Variants in ANKRD12 observed in about 807,000 individuals in gnomAD.
ANKRD12 encodes ankyrin repeat domain 12.
In ANKRD12, 85 loss-of-function variants were observed where a neutral mutation model predicts 183.4. The ratio of observed to expected loss-of-function variants is 0.46; its 90% confidence interval spans 0.39 to 0.56. The LOEUF (loss-of-function observed/expected upper bound fraction) is 0.56, where lower values mean the gene tolerates loss of function less well. Ranked by LOEUF, ANKRD12 falls within the 20% of genes least tolerant of loss-of-function variation. The pLI is 0.00. For missense variants in ANKRD12, 2,405 were observed against 2,357.1 expected (o/e 1.02, Z -0.42); for synonymous variants, 914 against 800.2 (o/e 1.14, Z -2.40).
intron 1 of ANKRD12, among the ~76,000 whole-genome samples, chr18:9,170,177 GA>G (rs2032549819): frequency 6.6e-6 from 1 of 152,136 alleles, no homozygotes; most frequent in Non-Finnish European, 1.5e-5. Flanking sequence ...TGGTGATTCT[GA>G]CAATTATGTG....
chr18:9,193,459 C>A (rs748264482), intron 2 of ANKRD12, among the ~76,000 whole-genome samples: 1 of 152,022 alleles, frequency 6.6e-6, no homozygotes, highest in Non-Finnish European at 1.5e-5. Flanking sequence ...AGCATTCTTT[C>A]ATAACTTTTT....
chr18:9,233,023 G>A (rs1177309920), intron 8 of ANKRD12, among the ~76,000 whole-genome samples: 1 of 151,698 alleles, frequency 6.6e-6, no homozygotes, highest in Non-Finnish European at 1.5e-5. Context: ...ATAATTTCTT[G>A]CATTTTTTAA....
intron 2 of ANKRD12, among the ~76,000 whole-genome samples, chr18:9,185,601 G>A (rs1367541705): frequency 6.6e-6 from 1 of 152,182 alleles, no homozygotes; most frequent in East Asian, 1.9e-4. Flanking sequence ...CTCAAAACAA[G>A]TCTGGATTGG....
At chr18:9,219,692 C>CTCTGA (rs1361075581) in intron 7 of ANKRD12, among the ~76,000 whole-genome samples, 4 of 151,228 alleles carry the variant, frequency 2.6e-5, no homozygotes, top group Non-Finnish European at 2.9e-5. Flanking sequence ...ATTTGCCCAC[C>CTCTGA]TCTGATTTAA....
At chr18:9,252,877 A>G (rs1403258546) in intron 8 of ANKRD12, among the ~76,000 whole-genome samples, 1 of 152,220 alleles carries the variant, frequency 6.6e-6, no homozygotes, top group African/African-American at 2.4e-5. Context: ...AGTGTTTTTT[A>G]GTCAGTTTTG....
rs2040204933 is a variant in ANKRD12, at chr18:9,285,796, C to G, written c.*4670C>G. The G allele has an allele frequency of 6.6e-6, 1 of 152,170 alleles. No individual in the cohort carries two copies. The highest frequency in any genetic ancestry group is 2.4e-5 in the African/African-American group (1 of 41,462). 9.4% of individuals were successfully genotyped at this position (152,170 alleles called of 1,614,324 possible). On this transcript the variant is annotated 3_prime_UTR_variant, in exon 13 of 13. Transcript: ENST00000262126. ...CTTCATAGAAATAGAGTCATACATACTTCCTTGTCTGCCTTGTTTCTCAAC... is the reference window on the plus strand; with the variant it reads ...CTTCATAGAAATAGAGTCATACATAGTTCCTTGTCTGCCTTGTTTCTCAAC...
Position 9,209,835 on chromosome 18 carries a change from G to A in ANKRD12, c.451+1032G>A, listed in dbSNP as rs79681620. On this transcript the variant is annotated intron_variant, in intron 5 of 12. Transcript: ENST00000262126. ...ATTAAAACTGATTTTTTAAAATAGC[G>A]TGAACCTTTGTCCTTAAAGTAAATT... 7.2e-5 allele frequency among the ~76,000 whole-genome samples: 11 copies of A among 152,192 alleles called. No homozygotes were observed. The South Asian group carries it at 1.9e-3, about 26-fold the overall frequency.
intron 1 of ANKRD12, among the ~76,000 whole-genome samples, chr18:9,141,680 C>T (rs2078321010): frequency 6.6e-6 from 1 of 152,120 alleles, no homozygotes; most frequent in Admixed American, 6.5e-5. Context: ...ATTGTGTCAT[C>T]TTTGGCCAAT....
intron 3 of ANKRD12, among the ~76,000 whole-genome samples, chr18:9,198,610 T>G (rs1475471103): frequency 6.6e-6 from 1 of 152,190 alleles, no homozygotes; most frequent in Admixed American, 6.5e-5. Context: ...AGTGCAGTGG[T>G]GCCATCTCAG....
chr18:9,222,123 A>G (rs1440777503), intron 8 of ANKRD12, 124 bp downstream of exon 8: 2 of 1,181,574 alleles, frequency 1.7e-6, no homozygotes, highest in Non-Finnish European at 1.2e-6. Flanking sequence ...AGCTAGAATA[A>G]TGCTTAGCTA....
intron 1 of ANKRD12, among the ~76,000 whole-genome samples, chr18:9,165,318 G>T (rs2031916947): frequency 6.6e-6 from 1 of 151,736 alleles, no homozygotes; most frequent in Admixed American, 6.6e-5. Flanking sequence ...TCTTTTTTTG[G>T]CGGGGGGCAA....
Position 9,182,369 on chromosome 18 carries a change from C to G in ANKRD12, c.-51-13C>G. 9.4e-7 allele frequency: 1 copy of G among 1,064,278 alleles called. No individual in the cohort carries two copies. The highest frequency in any genetic ancestry group is 1.4e-6 in the Non-Finnish European group (1 of 721,400). 65.9% of individuals were successfully genotyped at this position (1,064,278 alleles called of 1,614,324 possible). On this transcript the variant is annotated splice_polypyrimidine_tract_variant and intron_variant, in intron 1 of 12. Coordinates refer to ENST00000262126, the MANE Select transcript of ANKRD12 (RefSeq NM_015208.5). ...ATATATTCAAATAACCCTTATATAT[C>G]TATTCTTTACAGATCCAGGATGAGA... is the stretch of plus-strand genomic sequence containing the variant.
At chr18:9,141,464 G>T (rs142053342) in intron 1 of ANKRD12, among the ~76,000 whole-genome samples, 181 of 152,290 alleles carry the variant, frequency 1.2e-3, no homozygotes, top group African/African-American at 4.2e-3. Flanking sequence ...GTCCAGCTTA[G>T]AAAACAGTAT....
At chr18:9,260,977 G>A (rs2038930901) in intron 9 of ANKRD12, among the ~76,000 whole-genome samples, 1 of 152,008 alleles carries the variant, frequency 6.6e-6, no homozygotes, top group South Asian at 2.1e-4. Flanking sequence ...TCCCTCCTGT[G>A]GTCCCTTACC....
intron 1 of ANKRD12, among the ~76,000 whole-genome samples, chr18:9,168,594 T>C (rs2032338402): frequency 1.3e-5 from 2 of 152,188 alleles, no homozygotes; most frequent in Non-Finnish European, 2.9e-5. Context: ...ATTGCGTCTA[T>C]TTGATTCTTT....
At chr18:9,172,980 C>T (rs2032889928) in intron 1 of ANKRD12, among the ~76,000 whole-genome samples, 1 of 151,892 alleles carries the variant, frequency 6.6e-6, no homozygotes, top group South Asian at 2.1e-4. Context: ...CAGCTTACTG[C>T]AACCTCAACC....
intron 7 of ANKRD12, among the ~76,000 whole-genome samples, chr18:9,219,911 G>A (rs1446553949): frequency 4.6e-5 from 7 of 152,062 alleles, no homozygotes; most frequent in Non-Finnish European, 8.8e-5. Context: ...TCTCACCCTG[G>A]GTAGATTACT....
chr18:9,280,706 T>A (rs2040072424), intron 12 of ANKRD12, among the ~76,000 whole-genome samples: 1 of 152,104 alleles, frequency 6.6e-6, no homozygotes, highest in African/African-American at 2.4e-5. Context: ...GGAGACTCGC[T>A]TGAACCCAGG....
chr18:9,281,173 G>C lies in ANKRD12; in HGVS notation c.*47G>C. ...ATTGTCCTAAACTGGTGATGCTCAA[G>C]CATTATACTGTGGAATACTGCCTTT... is the stretch of plus-strand genomic sequence containing the variant. On this transcript the variant is annotated 3_prime_UTR_variant, in exon 13 of 13. Coordinates refer to ENST00000262126, the MANE Select transcript of ANKRD12 (RefSeq NM_015208.5). 6.6e-7 allele frequency: 1 copy of C among 1,504,664 alleles called. No individual in the cohort carries two copies. The highest frequency in any genetic ancestry group is 9.1e-7 in the Non-Finnish European group (1 of 1,104,890). The allele number at this position is 1,504,664 out of a possible 1,614,324, so 93.2% of individuals were successfully genotyped here.
Sources: allele counts gnomAD v4.1 joint callset (sites outside exome capture counted in the v4.1 genomes callset), GRCh38; gene constraint gnomAD v4.1.1; transcripts MANE v1.5; gene names NCBI Gene and HGNC (gene_info 2026-07-23, HGNC 2026-07-21).